The following CSMD1 variants were observed in gnomAD, a reference collection of about 807,000 sequenced individuals.
CSMD1 encodes CUB and sushi domain-containing protein 1.
CSMD1 carries 213 observed loss-of-function variants against 417.5 expected under a neutral mutation model. The observed-to-expected ratio is 0.51, with a 90% CI of 0.46 to 0.57. CSMD1 has a LOEUF of 0.57. Ranked by LOEUF, CSMD1 falls within the 20% of genes least tolerant of loss-of-function variation. CSMD1 has a pLI of 0.00. For missense variants in CSMD1, 6,923 were observed against 4,529.7 expected (o/e 1.53, Z -15.17); for synonymous variants, 2,862 against 1,736.8 (o/e 1.65, Z -16.11).
intron 2 of CSMD1, among the ~76,000 whole-genome samples, chr8:4,559,281 A>T (rs969421277): frequency 1.3e-5 from 2 of 152,210 alleles, no homozygotes; most frequent in African/African-American, 4.8e-5. Flanking sequence ...TAAATGTGTA[A>T]ATAATAACAG....
rs1483529363 is a variant in CSMD1 at position 3,185,657 on chromosome 8, G to T, written c.5620+2212C>A. The stretch of plus-strand genomic sequence containing the variant: ...AGGGAAGGCTTAATATGAGGTTGCT[G>T]TACAGCAGTTGATAAATCCAAATAT... On this transcript the variant is annotated intron_variant, in intron 36 of 69. Coordinates refer to ENST00000635120, the MANE Select transcript of CSMD1 (RefSeq NM_033225.6). Among the ~76,000 whole-genome samples the T allele has an allele frequency of 2.6e-5, 4 of 152,204 alleles. No homozygotes were observed. In the South Asian group the frequency reaches 8.3e-4, roughly 32 times the overall value.
chr8:4,464,065 A>C (rs1017491239), intron 2 of CSMD1, among the ~76,000 whole-genome samples: 5 of 152,182 alleles, frequency 3.3e-5, no homozygotes, highest in African/African-American at 1.2e-4. Context: ...ATATGGTAAG[A>C]AGACTGAAAG....
At chr8:4,259,179 A>G (rs904829827) in intron 3 of CSMD1, among the ~76,000 whole-genome samples, 1 of 152,136 alleles carries the variant, frequency 6.6e-6, no homozygotes, top group East Asian at 1.9e-4. Flanking sequence ...AGGGCCATGC[A>G]CTCTAGAAGT....
chr8:4,975,773 A>G (rs1370397364), intron 1 of CSMD1, among the ~76,000 whole-genome samples: 1 of 152,178 alleles, frequency 6.6e-6, no homozygotes, highest in Non-Finnish European at 1.5e-5. Context: ...AATAACCACT[A>G]TGACCAGTTG....
At chr8:4,543,894 C>T (rs76292275) in intron 2 of CSMD1, among the ~76,000 whole-genome samples, 8 of 151,972 alleles carry the variant, frequency 5.3e-5, no homozygotes, top group Non-Finnish European at 1.0e-4. Flanking sequence ...AGATGTGGAG[C>T]GCCTTTTCAT....
intron 10 of CSMD1, among the ~76,000 whole-genome samples, chr8:3,504,643 T>C (rs1796747876): frequency 1.3e-5 from 2 of 152,208 alleles, no homozygotes; most frequent in Non-Finnish European, 2.9e-5. Flanking sequence ...GACTCTGCAA[T>C]TTCTAACTCC....
intron 7 of CSMD1, among the ~76,000 whole-genome samples, chr8:3,653,124 G>T (rs113317125): frequency 6.6e-6 from 1 of 151,828 alleles, no homozygotes; most frequent in Admixed American, 6.6e-5. Context: ...TTTATTAATT[G>T]AAAGCCCTAT....
intron 5 of CSMD1, among the ~76,000 whole-genome samples, chr8:3,789,590 G>A (rs906238627): frequency 6.6e-5 from 10 of 151,546 alleles, no homozygotes; most frequent in African/African-American, 2.4e-4. Flanking sequence ...AAGCTTATAT[G>A]ACTAGAGATA....
intron 8 of CSMD1, among the ~76,000 whole-genome samples, chr8:3,590,430 G>C (rs1800797565): frequency 6.6e-6 from 1 of 152,114 alleles, no homozygotes; most frequent in Non-Finnish European, 1.5e-5. Flanking sequence ...ACTCTTCTCA[G>C]ATTTCCACCA....
At chr8:4,667,977 A>G (rs554670498) in intron 1 of CSMD1, among the ~76,000 whole-genome samples, 2 of 152,234 alleles carry the variant, frequency 1.3e-5, no homozygotes, top group African/African-American at 4.8e-5. Context: ...GCATTTGTTA[A>G]AAATCTACAA....
At chr8:3,188,473 G>C (rs1429675457) in intron 35 of CSMD1, among the ~76,000 whole-genome samples, 1 of 151,268 alleles carries the variant, frequency 6.6e-6, no homozygotes, top group African/African-American at 2.4e-5. Flanking sequence ...TGCCTGGCTA[G>C]TTTTTATATT....
chr8:3,855,357 TTTTAA>T (rs1268768394), intron 5 of CSMD1, among the ~76,000 whole-genome samples: 2 of 152,164 alleles, frequency 1.3e-5, no homozygotes, highest in African/African-American at 4.8e-5. Flanking sequence ...CACATCCTAA[TTTTAA>T]TTTGCTAGTC....
chr8:3,358,266 T>C (rs1808928012), intron 21 of CSMD1, among the ~76,000 whole-genome samples: 1 of 152,196 alleles, frequency 6.6e-6, no homozygotes, highest in African/African-American at 2.4e-5. Context: ...GAACCTTGGT[T>C]AATCTCTCAT....
intron 10 of CSMD1, among the ~76,000 whole-genome samples, chr8:3,498,489 G>A (rs1233759200): frequency 1.3e-5 from 2 of 152,104 alleles, no homozygotes; most frequent in African/African-American, 2.4e-5. Flanking sequence ...AGCATCTTTG[G>A]CATTAGATCT....
intron 4 of CSMD1, among the ~76,000 whole-genome samples, chr8:4,011,338 T>G (rs572498387): frequency 3.9e-5 from 6 of 152,176 alleles, no homozygotes; most frequent in Non-Finnish European, 7.3e-5. Flanking sequence ...TTGCCCCCAT[T>G]CAAAAACAAT....
chr8:3,532,928 CA>C (rs1440897437), intron 10 of CSMD1, among the ~76,000 whole-genome samples: 4 of 152,106 alleles, frequency 2.6e-5, no homozygotes, highest in Non-Finnish European at 5.9e-5. Flanking sequence ...CATGACATAG[CA>C]CATATACTTT....
chr8:3,535,860 C>T (rs1450129844), intron 10 of CSMD1, among the ~76,000 whole-genome samples: 4 of 152,128 alleles, frequency 2.6e-5, no homozygotes, highest in Admixed American at 2.0e-4. Flanking sequence ...GTATTTGGCC[C>T]TGTTGTAGGT....
At chr8:2,955,806 T>C (rs1379392121) in intron 63 of CSMD1, 38 bp from the exon 64 acceptor site, 2 of 1,593,802 alleles carry the variant, frequency 1.3e-6, no homozygotes, top group Non-Finnish European at 1.7e-6. Flanking sequence ...CTTTGTTTAT[T>C]GTAAAGTTAG....
chr8:3,018,117 T>C (rs17079077), intron 52 of CSMD1, among the ~76,000 whole-genome samples: 3,148 of 152,354 alleles, frequency 0.021, 99 homozygotes, highest in African/African-American at 0.07. Flanking sequence ...TTTGGATGAA[T>C]ATAACTTCAA....
Sources: gnomAD v4.1 joint callset for allele counts (sites outside exome capture counted in the v4.1 genomes callset) on GRCh38, gnomAD v4.1.1 for gene constraint, MANE v1.5 for transcripts, NCBI Gene and HGNC (gene_info 2026-07-23, HGNC 2026-07-21) for gene names.